GLYR1: variants seen among roughly 807,000 people sequenced by gnomAD.
GLYR1 encodes glyoxylate reductase 1 homolog.
A neutral mutation model predicts 72.7 loss-of-function variants in GLYR1; 21 were observed. That is an observed-to-expected ratio of 0.29 (90% confidence interval 0.20 to 0.42). GLYR1 has a LOEUF of 0.42. Ranked by LOEUF, GLYR1 falls within the 10% of genes least tolerant of loss-of-function variation. The pLI is 1.00. For missense variants in GLYR1, 594 were observed against 712.1 expected, an observed-to-expected ratio of 0.83 and a Z score of 1.89; for synonymous variants, 392 against 270.2, an observed-to-expected ratio of 1.45 and a Z score of -4.42.
chr16:4,824,478 G>A (rs1441865689), intron 5 of GLYR1, among the ~76,000 whole-genome samples: 2 of 126,736 alleles, frequency 1.6e-5, no homozygotes, highest in East Asian at 4.7e-4. Context: ...CCAGCCTGGA[G>A]ACAGAGCAAG....
chr16:4,810,776 ACT>A (rs1043441219), intron 15 of GLYR1, among the ~76,000 whole-genome samples: 5 of 144,978 alleles, frequency 3.4e-5, no homozygotes, highest in Admixed American at 7.0e-5. Flanking sequence ...ACAGAGCAAG[ACT>A]CTGTCTCAAA....
chr16:4,821,487 C>A (rs761512861), intron 8 of GLYR1, 34 bp from the exon 9 acceptor site: 10 of 1,614,082 alleles, frequency 6.2e-6, no homozygotes, highest in Middle Eastern at 1.7e-4. Flanking sequence ...TCAAGTCAGT[C>A]TGCCTGCAGT....
At chr16:4,839,196 A>AACAC (rs552498023) in intron 3 of GLYR1, 3 of 151,852 alleles carry the variant, frequency 2.0e-5, no homozygotes, top group Non-Finnish European at 4.4e-5. Flanking sequence ...CACACACACA[A>AACAC]ACACACACAC....
In GLYR1 at chr16:4,821,613, G is replaced by C. The variant is rs749452138; in HGVS notation, c.682-16C>G. 23 of 1,612,836 alleles carry C rather than the reference G, an allele frequency of 1.4e-5. No individual in the cohort carries two copies. The highest frequency in any genetic ancestry group is 1.8e-5 in the Non-Finnish European group (21 of 1,179,158). On this transcript the variant is annotated splice_polypyrimidine_tract_variant and intron_variant, in intron 7 of 15. Coordinates refer to ENST00000321919, the MANE Select transcript of GLYR1 (RefSeq NM_032569.4). ...AGACAGCTGGCTAATGAAGGAGGAG[G>C]AAAGAGACTACTTGTGCTACTGCAG...
intron 1 of GLYR1, chr16:4,846,974 G>A (rs150993670): frequency 0.032 from 16,432 of 518,004 alleles, 329 homozygotes; most frequent in Non-Finnish European, 0.041. Flanking sequence ...CAGTATCTGG[G>A]CCCCGAGTGC....
intron 15 of GLYR1, among the ~76,000 whole-genome samples, chr16:4,805,935 C>G (rs2082942966): frequency 6.6e-6 from 1 of 152,162 alleles, no homozygotes; most frequent in Admixed American, 6.5e-5. Context: ...GAGCTGAGAT[C>G]ACACCACTGC....
intron 3 of GLYR1, among the ~76,000 whole-genome samples, chr16:4,838,314 G>A (rs111536361): frequency 6.6e-6 from 1 of 152,188 alleles, no homozygotes; most frequent in African/African-American, 2.4e-5. Context: ...GTCCACCTTA[G>A]ATGTGGCTTG....
chr16:4,826,043 T>C (rs562787185), intron 5 of GLYR1, among the ~76,000 whole-genome samples: 3 of 152,096 alleles, frequency 2.0e-5, no homozygotes, highest in South Asian at 2.1e-4. Context: ...ACTGGTGTGG[T>C]AGACACAACT....
chr16:4,821,115 G>C, intron 9 of GLYR1: 1 of 546,494 alleles, frequency 1.8e-6, no homozygotes, highest in East Asian at 3.1e-5. Flanking sequence ...AGGAAAGTCT[G>C]AGAACCACTG....
intron 14 of GLYR1, 73 bp downstream of exon 14, chr16:4,811,550 C>T: frequency 6.4e-7 from 1 of 1,556,100 alleles, no homozygotes; most frequent in South Asian, 1.1e-5. Context: ...CTTTCACGCT[C>T]ACTAAATCCC....
chr16:4,823,299 T>G (rs1326979252), intron 6 of GLYR1, among the ~76,000 whole-genome samples: 1 of 152,164 alleles, frequency 6.6e-6, no homozygotes, highest in Non-Finnish European at 1.5e-5. Flanking sequence ...AATTTCAGGG[T>G]TTTGGCCTAC....
In GLYR1 at chr16:4,812,733, C is replaced by T. The variant is rs186135613; in HGVS notation, c.1120-485G>A. On this transcript the variant is annotated intron_variant, in intron 12 of 15. Coordinates refer to ENST00000321919, the MANE Select transcript of GLYR1 (RefSeq NM_032569.4). ...GTCTTGATCTCCTGACCTTGTGATC[C>T]GCCCGCCTCGGCCTCCCAAAGTGCT... Among the ~76,000 whole-genome samples, 777 of 151,890 alleles carry T rather than the reference C, an allele frequency of 5.1e-3. 13 individuals are homozygous for T. Among genetic ancestry groups the T allele is most frequent in the Admixed American group, 0.02 (303 of 15,218 alleles).
At chr16:4,835,329 T>A (rs1234674409) in intron 3 of GLYR1, among the ~76,000 whole-genome samples, 1 of 152,226 alleles carries the variant, frequency 6.6e-6, no homozygotes, top group Non-Finnish European at 1.5e-5. Flanking sequence ...TACTGATTTC[T>A]GCTAGAAGGA....
intron 3 of GLYR1, among the ~76,000 whole-genome samples, chr16:4,837,537 G>C (rs1441123891): frequency 6.6e-6 from 1 of 152,136 alleles, no homozygotes; most frequent in Non-Finnish European, 1.5e-5. Flanking sequence ...CACATAGACA[G>C]GTGACCCGGG....
In GLYR1 at chr16:4,845,054, T is replaced by C. The variant is rs762948018; in HGVS notation, c.155+20A>G. ...CACAGAAAGAAAGGCGAAGGGAGAC[T>C]CCTGGTGAGTACTACTCACTGATCT... On this transcript the variant is annotated intron_variant, in intron 3 of 15. Coordinates refer to ENST00000321919, the MANE Select transcript of GLYR1 (RefSeq NM_032569.4). 3 of 1,543,322 alleles carry C rather than the reference T, an allele frequency of 1.9e-6. No homozygotes were observed.
intron 3 of GLYR1, among the ~76,000 whole-genome samples, chr16:4,833,404 AT>A (rs1445387963): frequency 6.6e-6 from 1 of 152,218 alleles, no homozygotes; most frequent in African/African-American, 2.4e-5. Context: ...TGGGAACCAG[AT>A]TTATGATCTG....
At chr16:4,832,485 T>C in intron 4 of GLYR1, 1 of 576,300 alleles carries the variant, frequency 1.7e-6, no homozygotes, top group East Asian at 3.0e-5. Flanking sequence ...GCTATGCTCC[T>C]AATCTGTGTG....
At chr16:4,820,987 A>T (rs2083982731) in intron 9 of GLYR1, among the ~76,000 whole-genome samples, 2 of 152,232 alleles carry the variant, frequency 1.3e-5, no homozygotes. Flanking sequence ...AGTGGTTCTC[A>T]CAGCGTAGCT....
intron 5 of GLYR1, among the ~76,000 whole-genome samples, chr16:4,825,569 T>C (rs544350685): frequency 3.9e-5 from 6 of 152,388 alleles, no homozygotes; most frequent in South Asian, 4.1e-4. Context: ...GGGCTTACTA[T>C]GTGCTAGACA....
Sources: gnomAD v4.1 joint callset for allele counts (sites outside exome capture counted in the v4.1 genomes callset) on GRCh38, gnomAD v4.1.1 for gene constraint, MANE v1.5 for transcripts, NCBI Gene and HGNC (gene_info 2026-07-23, HGNC 2026-07-21) for gene names.